KCTD1: variants seen among roughly 807,000 people sequenced by gnomAD.
The protein encoded by KCTD1 is BTB/POZ domain-containing protein KCTD1.
KCTD1 carries 24 observed loss-of-function variants against 66.0 expected under a neutral mutation model. That is an observed-to-expected ratio of 0.36 (90% CI 0.26 to 0.51). KCTD1 has a LOEUF of 0.51. Ranked by LOEUF, KCTD1 falls within the 20% of genes least tolerant of loss-of-function variation. The pLI is 0.95. For synonymous variants in KCTD1, 511 were observed against 517.2 expected, an observed-to-expected ratio of 0.99 and a Z score of 0.16; for missense variants, 943 against 1,205.2, an observed-to-expected ratio of 0.78 and a Z score of 3.22.
chr18:26,621,658 T>C (rs547289350), intron 1 of KCTD1, among the ~76,000 whole-genome samples: 1 of 152,338 alleles, frequency 6.6e-6, no homozygotes, highest in African/African-American at 2.4e-5. Context: ...AACGCCAACC[T>C]GTTGGCTCTT....
rs531555011 is a variant in KCTD1, at chr18:26,533,205, A to G, written c.1809+13523T>C. On this transcript the variant is annotated intron_variant, in intron 1 of 4. Transcript: ENST00000580059. ...TATGTAGTAGCCCTCTTACCAAGCA[A>G]TGCATTGAAGGGTAATAATCTAACT... Among the ~76,000 whole-genome samples the G allele has an allele frequency of 2.0e-5, 3 of 152,370 alleles. No individual in the cohort carries two copies. In the South Asian group the frequency reaches 6.2e-4, roughly 32 times the overall value.
chr18:26,610,588 A>T (rs72887399), intron 1 of KCTD1, among the ~76,000 whole-genome samples: 13 of 144,694 alleles, frequency 9.0e-5, no homozygotes, highest in Non-Finnish European at 1.8e-4. Context: ...AGAGAGAGAG[A>T]GAAAGAAAGG....
chr18:26,594,713 A>G (rs1004506800), intron 1 of KCTD1, among the ~76,000 whole-genome samples: 3 of 152,156 alleles, frequency 2.0e-5, no homozygotes, highest in South Asian at 2.1e-4. Context: ...TGCTGAGAAG[A>G]TATTTTGGAA....
chr18:26,563,268 C>A (rs1985903841), intron 1 of KCTD1, among the ~76,000 whole-genome samples: 1 of 152,166 alleles, frequency 6.6e-6, no homozygotes, highest in Admixed American at 6.5e-5. Context: ...AGTCTCTGAT[C>A]CCTGGTCCTT....
intron 1 of KCTD1, among the ~76,000 whole-genome samples, chr18:26,565,510 A>C (rs771746532): frequency 6.6e-5 from 10 of 152,210 alleles, no homozygotes; most frequent in Non-Finnish European, 1.2e-4. Context: ...GTACATTGAA[A>C]AGTTTTTCCT....
chr18:26,491,380 G>C (rs547405605), intron 2 of KCTD1, among the ~76,000 whole-genome samples: 1 of 152,270 alleles, frequency 6.6e-6, no homozygotes, highest in East Asian at 1.9e-4. Flanking sequence ...ACTGACTGTT[G>C]CTAACAACTT....
At chr18:26,576,556 G>A (rs888328811) in intron 1 of KCTD1, among the ~76,000 whole-genome samples, 5 of 152,212 alleles carry the variant, frequency 3.3e-5, no homozygotes, top group Non-Finnish European at 7.4e-5. Flanking sequence ...CATTTCGAAC[G>A]ATTCAGAAGT....
chr18:26,605,065 A>G (rs966736105), intron 1 of KCTD1, among the ~76,000 whole-genome samples: 2 of 152,094 alleles, frequency 1.3e-5, no homozygotes, highest in African/African-American at 4.8e-5. Flanking sequence ...TCCAGGCAAT[A>G]GGGTAGAGAA....
chr18:26,529,046 A>G (rs1158142298), intron 1 of KCTD1, among the ~76,000 whole-genome samples: 1 of 152,194 alleles, frequency 6.6e-6, no homozygotes, highest in Non-Finnish European at 1.5e-5. Context: ...CTACCTGCTT[A>G]TCCAACATTT....
chr18:26,561,431 A>T (rs1985845919), intron 1 of KCTD1, among the ~76,000 whole-genome samples: 1 of 152,092 alleles, frequency 6.6e-6, no homozygotes, highest in East Asian at 1.9e-4. Context: ...CATGGCCTTC[A>T]TTGCTCTGTT....
chr18:26,528,684 G>A (rs984337925), intron 1 of KCTD1, among the ~76,000 whole-genome samples: 1 of 152,112 alleles, frequency 6.6e-6, no homozygotes, highest in Non-Finnish European at 1.5e-5. Context: ...CCACAAAACT[G>A]TTCTTGCAGA....
chr18:26,617,413 T>C (rs1176872829), intron 1 of KCTD1, among the ~76,000 whole-genome samples: 1 of 152,192 alleles, frequency 6.6e-6, no homozygotes, highest in African/African-American at 2.4e-5. Flanking sequence ...TCCCATGCCG[T>C]GTTTGAGGAG....
At chr18:26,629,690 G>A (rs1353434854), upstream of KCTD1, among the ~76,000 whole-genome samples, 3 of 151,100 alleles carry the variant, frequency 2.0e-5, no homozygotes, top group Admixed American at 6.6e-5. Context: ...CATGTGCAAA[G>A]TCCCTGAGTT....
At chr18:26,551,088 C>G (rs1437859446), upstream of KCTD1, among the ~76,000 whole-genome samples, 1 of 152,198 alleles carries the variant, frequency 6.6e-6, no homozygotes, top group Non-Finnish European at 1.5e-5. Context: ...GGTCCACCCC[C>G]CTCCCACCAG....
At chr18:26,529,368 C>T (rs1009520465) in intron 1 of KCTD1, among the ~76,000 whole-genome samples, 1 of 152,198 alleles carries the variant, frequency 6.6e-6, no homozygotes, top group Admixed American at 6.5e-5. Context: ...CTTCAGCTTT[C>T]TCTCCCGCCA....
intron 1 of KCTD1, among the ~76,000 whole-genome samples, chr18:26,512,609 C>T (rs1442236303): frequency 1.3e-5 from 2 of 152,140 alleles, no homozygotes; most frequent in Non-Finnish European, 2.9e-5. Flanking sequence ...AAATGAACTC[C>T]TCAGGGTGTC....
upstream of KCTD1, chr18:26,549,489 G>A: frequency 3.1e-6 from 3 of 976,996 alleles, no homozygotes; most frequent in Non-Finnish European, 3.6e-6. Flanking sequence ...GGTGGGAGGG[G>A]AGACGAGGGA....
intron 1 of KCTD1, among the ~76,000 whole-genome samples, chr18:26,508,815 G>A (rs961686923): frequency 2.4e-4 from 37 of 152,120 alleles, no homozygotes; most frequent in African/African-American, 8.7e-4. Context: ...AGTCTGACAA[G>A]GGTAATCAAA....
rs1012824430 is a variant in KCTD1, at chr18:26,533,031, C to T, written c.1809+13697G>A. On this transcript the variant is annotated intron_variant, in intron 1 of 4. Coordinates refer to ENST00000580059, the MANE Select transcript of KCTD1 (RefSeq NM_001142730.3). ...TCCTAGGTTTGCCATTGACCACCTC[C>T]TTCCTGGAGCAGGTCACTTAACCTC... Among the ~76,000 whole-genome samples the T allele has an allele frequency of 2.6e-5, 4 of 152,344 alleles. No individual in the cohort carries two copies. In the South Asian group the frequency reaches 8.3e-4, roughly 32 times the overall value.
Sources: gnomAD v4.1 joint callset for allele counts (sites outside exome capture counted in the v4.1 genomes callset) on GRCh38, gnomAD v4.1.1 for gene constraint, MANE v1.5 for transcripts, NCBI Gene and HGNC (gene_info 2026-07-23, HGNC 2026-07-21) for gene names.